The following NUP153 variants were observed in gnomAD, a reference collection of about 807,000 sequenced individuals.
The protein encoded by NUP153 is nucleoporin 153.
In NUP153, 27 loss-of-function variants were observed where a neutral mutation model predicts 134.6. The ratio of observed to expected loss-of-function variants is 0.20; its 90% confidence interval spans 0.15 to 0.28. NUP153 has a LOEUF of 0.28. NUP153 is among the 10% of genes least tolerant of loss of function. The pLI is 1.00. For synonymous variants in NUP153, 640 were observed against 623.5 expected (o/e 1.03, Z -0.40); for missense variants, 1,821 against 1,731.3 (o/e 1.05, Z -0.92).
intron 1 of NUP153, among the ~76,000 whole-genome samples, chr6:17,700,171 CT>C (rs1318698999): frequency 1.3e-5 from 2 of 152,090 alleles, no homozygotes; most frequent in Non-Finnish European, 2.9e-5. Context: ...AATAATAAAA[CT>C]GTGGTCTCCC....
At position 17,665,185 on chromosome 6, in the gene NUP153, T is replaced by C. The variant is rs1476697354; in HGVS notation, c.1215+54A>G. On this transcript the variant is annotated intron_variant, in intron 9 of 21. Coordinates refer to ENST00000262077, the MANE Select transcript of NUP153 (RefSeq NM_005124.4). The stretch of plus-strand genomic sequence containing the variant: ...GGTAGTTATATTTTACATTATTTAG[T>C]CTTACTTATTCTAATCAATATTCAA... The C allele has an allele frequency of 3.0e-6, 4 of 1,338,642 alleles. No individual in the cohort carries two copies. In the South Asian group the frequency reaches 5.1e-5, roughly 17 times the overall value. The allele number at this position is 1,338,642 out of a possible 1,614,324, so 82.9% of individuals were successfully genotyped here.
intron 1 of NUP153, among the ~76,000 whole-genome samples, chr6:17,695,885 T>C (rs1305861393): frequency 6.6e-6 from 1 of 152,084 alleles, no homozygotes; most frequent in East Asian, 1.9e-4. Flanking sequence ...GGCGGGCACC[T>C]GTAGTCCCAG....
At chr6:17,652,254 T>TA (rs1447547794) in intron 11 of NUP153, among the ~76,000 whole-genome samples, 3 of 151,630 alleles carry the variant, frequency 2.0e-5, no homozygotes, top group African/African-American at 4.9e-5. Context: ...ATATTTTCTT[T>TA]AAGAATTATC....
chr6:17,662,878 T>A (rs911334432), intron 9 of NUP153, among the ~76,000 whole-genome samples: 3 of 152,120 alleles, frequency 2.0e-5, no homozygotes, highest in African/African-American at 7.2e-5. Context: ...ACAAAATAAC[T>A]GGCTTCTATA....
intron 11 of NUP153, among the ~76,000 whole-genome samples, chr6:17,654,359 T>C (rs1003479017): frequency 2.0e-5 from 3 of 151,984 alleles, no homozygotes; most frequent in African/African-American, 7.2e-5. Context: ...TTCGATCTTG[T>C]TGCCCGGGCC....
intron 2 of NUP153, among the ~76,000 whole-genome samples, chr6:17,678,212 C>T (rs962108991): frequency 1.3e-5 from 2 of 151,704 alleles, no homozygotes; most frequent in South Asian, 2.1e-4. Context: ...AAAAATTACC[C>T]GGGCATGGTG....
chr6:17,616,505 T>C lies in NUP153; in HGVS notation c.4343+22A>G, dbSNP rs1424189105. Reference sequence around the variant, plus strand: ...TACCCTTACCAATGTAACTTCTCCATTTCAATAAAAAATTCTCTTACCCCA... The same window carrying C: ...TACCCTTACCAATGTAACTTCTCCACTTCAATAAAAAATTCTCTTACCCCA... On this transcript the variant is annotated intron_variant, in intron 21 of 21. Transcript: ENST00000262077. 1.9e-6 allele frequency: 3 copies of C among 1,586,912 alleles called. No homozygotes were observed. In the South Asian group the frequency reaches 3.4e-5, roughly 18 times the overall value.
intron 11 of NUP153, chr6:17,651,910 A>G: frequency 1.5e-6 from 1 of 669,756 alleles, no homozygotes; most frequent in South Asian, 1.6e-5. Context: ...CTTGGGCAAT[A>G]CGGTGAGACC....
At chr6:17,685,276 G>A (rs563653496) in intron 2 of NUP153, among the ~76,000 whole-genome samples, 13 of 152,132 alleles carry the variant, frequency 8.5e-5, no homozygotes, top group Admixed American at 2.6e-4. Flanking sequence ...AGTTGGGAGC[G>A]GTGGCTCACG....
intron 2 of NUP153, among the ~76,000 whole-genome samples, chr6:17,682,038 C>T (rs1003892949): frequency 2.0e-5 from 3 of 152,004 alleles, no homozygotes; most frequent in Non-Finnish European, 2.9e-5. Context: ...TGAGGCCTCA[C>T]GTCTACTAAA....
intron 1 of NUP153, among the ~76,000 whole-genome samples, chr6:17,695,940 C>T (rs1293130000): frequency 6.6e-6 from 1 of 151,868 alleles, no homozygotes; most frequent in African/African-American, 2.4e-5. Context: ...ACCCGGAAGG[C>T]GGAGCTTGCA....
intron 2 of NUP153, among the ~76,000 whole-genome samples, chr6:17,682,400 G>C (rs1768641114): frequency 6.6e-6 from 1 of 152,108 alleles, no homozygotes; most frequent in African/African-American, 2.4e-5. Flanking sequence ...CTTAAAATAA[G>C]ACAACAATGA....
At chr6:17,681,395 G>C (rs1768572203) in intron 2 of NUP153, among the ~76,000 whole-genome samples, 1 of 33,602 alleles carries the variant, frequency 3.0e-5, no homozygotes, top group Non-Finnish European at 7.3e-5. Flanking sequence ...GACCATCCTG[G>C]CTAACAGGTG....
At chr6:17,677,097 T>C (rs1390005157) in intron 2 of NUP153, among the ~76,000 whole-genome samples, 2 of 152,164 alleles carry the variant, frequency 1.3e-5, no homozygotes, top group East Asian at 1.9e-4. Context: ...GGAATAAGTA[T>C]ATAACTAAAA....
At chr6:17,623,905 G>C (rs896595348) in intron 20 of NUP153, among the ~76,000 whole-genome samples, 1 of 152,162 alleles carries the variant, frequency 6.6e-6, no homozygotes, top group Non-Finnish European at 1.5e-5. Flanking sequence ...GTCATCATTA[G>C]AGTGGAGAAA....
intron 8 of NUP153, 104 bp downstream of exon 8, chr6:17,668,871 C>T: frequency 1.4e-6 from 1 of 706,926 alleles, no homozygotes; most frequent in Non-Finnish European, 2.4e-6. Flanking sequence ...ATTTTTCAAA[C>T]ATGTTCCCTA....
chr6:17,649,444 A>G (rs1297537858), intron 11 of NUP153, 144 bp from the exon 12 acceptor site: 2 of 718,162 alleles, frequency 2.8e-6, no homozygotes, highest in South Asian at 2.7e-5. Context: ...AAAACTGAAC[A>G]TGATTTTTAA....
intron 1 of NUP153, among the ~76,000 whole-genome samples, chr6:17,704,933 G>C (rs958305568): frequency 2.6e-5 from 4 of 151,984 alleles, no homozygotes; most frequent in Admixed American, 6.6e-5. Flanking sequence ...CTAATTTTTT[G>C]TATTTGTTAG....
At position 17,680,819 on chromosome 6, in the gene NUP153, G is replaced by T. The variant is rs1768532958; in HGVS notation, c.335-5049C>A. 2.0e-5 allele frequency among the ~76,000 whole-genome samples: 3 copies of T among 152,182 alleles called. No homozygotes were observed. In the South Asian group the frequency reaches 6.2e-4, roughly 31 times the overall value. On this transcript the variant is annotated intron_variant, in intron 2 of 21. Coordinates refer to ENST00000262077, the MANE Select transcript of NUP153 (RefSeq NM_005124.4). The surrounding 1 kb of genome is among the most constrained non-coding windows in gnomAD (Gnocchi z 4.5). ...GAAAGGAGAATCCTTGTACACTGTT[G>T]TTGGTGGGAATTATCAATTAGTACA...
Sources: gnomAD v4.1 joint callset for allele counts (sites outside exome capture counted in the v4.1 genomes callset) on GRCh38, gnomAD v4.1.1 for gene constraint, Gnocchi (gnomAD v3.1) non-coding constraint, MANE v1.5 for transcripts, NCBI Gene and HGNC (gene_info 2026-07-23, HGNC 2026-07-21) for gene names.